Variants in APOB observed in about 807,000 individuals in gnomAD.
APOB encodes apolipoprotein B-100.
In APOB, 153 loss-of-function variants were observed where a neutral mutation model predicts 314.1. The observed-to-expected ratio is 0.49, with a 90% CI of 0.43 to 0.56. The LOEUF is 0.56. Among genes scored for constraint, APOB ranks in the 20% least tolerant of loss-of-function variants. The pLI, the probability that APOB is intolerant of heterozygous loss-of-function variation, is 0.00. For synonymous variants in APOB, 2,087 were observed against 2,036.4 expected (o/e 1.02, Z -0.67); for missense variants, 5,430 against 5,350.7 (o/e 1.01, Z -0.46).
chr2:21,013,587 G>T, intron 24 of APOB, 54 bp from the exon 25 acceptor site: 2 of 1,611,986 alleles, frequency 1.2e-6, no homozygotes, highest in Non-Finnish European at 1.7e-6. Context: ...GTCATTCAAA[G>T]TTCTCTGCCT....
Position 21,008,186 on chromosome 2 carries a change from G to A in APOB, c.8682C>T (p.Asn2894=), listed in dbSNP as rs1463473856. The A allele has an allele frequency of 1.9e-6, 3 of 1,614,076 alleles. No homozygotes were observed. Among genetic ancestry groups the A allele is most frequent in the African/African-American group, 2.7e-5 (2 of 75,008 alleles). ...GACTAGAGAAGTCCAGTTTGGGGAT[G>A]TTCAATTTGTGGAAGTATTTAGTGT... The part of the protein sequence containing the change: ...DSNTKYFHKL[N]IPKLDFSSQA... The change falls in exon 26 of 29, where the codon AAC becomes AAT. Residue 2894 remains asparagine, a synonymous_variant. Coordinates refer to ENST00000233242, the MANE Select transcript of APOB (RefSeq NM_000384.3).
chr2:21,033,515 G>A lies in APOB; in HGVS notation c.908C>T (p.Thr303Ile), dbSNP rs1864423. The change falls in exon 9 of 29, where the codon ACT (threonine) becomes ATT (isoleucine). Residue 303 changes from threonine (T) to isoleucine (I), a missense_variant. By Grantham distance (89) the Thr-to-Ile change is moderately conservative (BLOSUM62 -1). Transcript: ENST00000233242. ...KINSRFFGEG[T>I]KKMGLAFEST... ...CTCAAATGCGAGGCCCATCTTCTTA[G>A]TACCTGGAAGATGGAAAGTGTCAAA... is the stretch of plus-strand genomic sequence containing the variant. 3 of 1,613,354 alleles carry A rather than the reference G, an allele frequency of 1.9e-6. No homozygotes were observed. Among genetic ancestry groups the A allele is most frequent in the Non-Finnish European group, 1.7e-6 (2 of 1,179,300 alleles).
intron 14 of APOB, among the ~76,000 whole-genome samples, chr2:21,027,306 A>AATTT (rs763207875): frequency 9.4e-6 from 1 of 105,884 alleles, no homozygotes; most frequent in Non-Finnish European, 1.9e-5. Flanking sequence ...TTGCATTTCA[A>AATTT]TTTTTTTTTT....
intron 10 of APOB, among the ~76,000 whole-genome samples, chr2:21,030,862 T>G (rs1455738593): frequency 6.6e-6 from 1 of 152,140 alleles, no homozygotes; most frequent in Non-Finnish European, 1.5e-5. Flanking sequence ...TGCATAACAT[T>G]ACTAATCATT....
intron 20 of APOB, 134 bp from the exon 21 acceptor site, chr2:21,016,783 G>A (rs1663479519): frequency 1.4e-6 from 1 of 700,470 alleles, no homozygotes; most frequent in South Asian, 1.5e-5. Context: ...AGGAGATCAA[G>A]ACCATTCTGG....
At position 21,011,786 on chromosome 2, in the gene APOB, A is replaced by G. The variant is rs757961659; in HGVS notation, c.5082T>C (p.Asn1694=). Residue 1694 remains asparagine, a synonymous_variant, in exon 26 of 29, where the codon AAT becomes AAC. Coordinates refer to ENST00000233242, the MANE Select transcript of APOB (RefSeq NM_000384.3). ...CTTTCCCATCCAGACTGAATTTTGC[A>G]TTGTGTTCCCTGAAGCGGCCATTTG... The part of the protein sequence containing the change: ...LTTNGRFREH[N]AKFSLDGKAA... 4 of 1,613,964 alleles carry G rather than the reference A, an allele frequency of 2.5e-6. No homozygotes were observed. Among genetic ancestry groups the G allele is most frequent in the African/African-American group, 1.3e-5 (1 of 74,886 alleles).
rs759277505 is a variant in APOB at position 21,011,040 on chromosome 2, G to A, written c.5828C>T (p.Ser1943Phe). Residue 1943 changes from serine to phenylalanine, a missense_variant, in exon 26 of 29, where the codon TCT becomes TTT. By Grantham distance (155) the Ser-to-Phe change is radical (BLOSUM62 -2). Around this residue, in one of 3 missense-constraint regions of APOB, gnomAD observed 3,281 missense variants for 3,171.0 expected, o/e 1.03. Coordinates refer to ENST00000233242, the MANE Select transcript of APOB (RefSeq NM_000384.3). Reference protein sequence around the residue: ...LKAEPLAFTFSHDYKGSTSHH... With the variant: ...LKAEPLAFTFFHDYKGSTSHH... ...ACTTGTGGAGCCTTTGTAATCATGA[G>A]AGAAAGTAAATGCCAGAGGTTCTGC... 5.6e-6 allele frequency: 9 copies of A among 1,614,186 alleles called. No individual in the cohort carries two copies. In the East Asian group the frequency reaches 1.8e-4, roughly 32 times the overall value.
rs1663447804 is a variant in APOB, at chr2:21,015,693, A to G, written c.3333-148T>C. The G allele has an allele frequency of 8.0e-6, 7 of 872,908 alleles. No individual in the cohort carries two copies. In the South Asian group the frequency reaches 1.0e-4, roughly 13 times the overall value. The allele number at this position is 872,908 out of a possible 1,614,324, so 54.1% of individuals were successfully genotyped here. On this transcript the variant is annotated intron_variant, in intron 21 of 28. Transcript: ENST00000233242. ...CCACAGATCAAACTCATCAACTTCT[A>G]AAGCCAACATTCAGCACAAATTAAG...
intron 12 of APOB, 76 bp from the exon 13 acceptor site, chr2:21,028,614 G>T (rs1663802651): frequency 9.2e-6 from 9 of 978,224 alleles, no homozygotes; most frequent in Non-Finnish European, 1.5e-5. Flanking sequence ...CACTGGCATT[G>T]TCTGCTAGCT....
Position 21,034,875 on chromosome 2 carries a change from A to C in APOB, c.845T>G (p.Val282Gly), listed in dbSNP as rs1663961879. Residue 282 changes from valine to glycine, a missense_variant, in exon 8 of 29, where the codon GTG (valine) becomes GGG (glycine). By Grantham distance (109) the Val-to-Gly change is moderately radical (BLOSUM62 -3). Coordinates refer to ENST00000233242, the MANE Select transcript of APOB (RefSeq NM_000384.3). ...YKNKYGMVAQ[V>G]TQTLKLEDTP... ...GTCTTCAAGTTTCAAAGTCTGTGTC[A>C]CTTGTGCTACCATCCCATACTTATT... is the stretch of plus-strand genomic sequence containing the variant. The C allele has an allele frequency of 2.5e-6, 4 of 1,594,900 alleles. No individual in the cohort carries two copies. Among genetic ancestry groups the C allele is most frequent in the Non-Finnish European group, 3.4e-6 (4 of 1,162,514 alleles).
At chr2:21,027,628 G>A (rs754755637) in intron 14 of APOB, among the ~76,000 whole-genome samples, 200 bp downstream of exon 14, 2 of 152,080 alleles carry the variant, frequency 1.3e-5, no homozygotes, top group African/African-American at 4.8e-5. Context: ...TTCTATTAAT[G>A]TTAAGAAGTC....
Position 21,005,788 on chromosome 2 carries a change from T to C in APOB, c.11080A>G (p.Thr3694Ala), listed in dbSNP as rs1472840765. ...LWDFLKLDVT[T>A]SIGRRQHLRV... ...AGATGCTGTCTCCTACCAATGCTGGTGGTTACATCCAGCTTTAGGAAATCC... is the reference window on the plus strand; with the variant it reads ...AGATGCTGTCTCCTACCAATGCTGGCGGTTACATCCAGCTTTAGGAAATCC... Residue 3694 changes from threonine to alanine, a missense_variant, in exon 26 of 29, where the codon ACC becomes GCC. By Grantham distance (58) the Thr-to-Ala change is moderately conservative (BLOSUM62 0). Transcript: ENST00000233242. 2 of 1,613,842 alleles carry C rather than the reference T, an allele frequency of 1.2e-6. No individual in the cohort carries two copies. Among genetic ancestry groups the C allele is most frequent in the African/African-American group, 1.3e-5 (1 of 74,878 alleles).
rs1377752682 is a variant in APOB, at chr2:21,032,381, A to G, written c.1325T>C (p.Leu442Ser). 2 of 1,613,776 alleles carry G rather than the reference A, an allele frequency of 1.2e-6. No individual in the cohort carries two copies. Among genetic ancestry groups the G allele is most frequent in the African/African-American group, 2.7e-5 (2 of 74,942 alleles). ...MARDQRSRAT[L>S]YALSHAVNNY... is the part of the protein sequence containing the mutation. ...GTTGACCGCGTGGCTCAGCGCATAC[A>G]AGGTGGCTCGGCTGCGCTGATCCCT... Residue 442 changes from leucine to serine, a missense_variant, in exon 10 of 29, where the codon TTG becomes TCG. Transcript: ENST00000233242.
At chr2:21,041,111 A>T in intron 3 of APOB, 28 bp from the exon 4 acceptor site, 4 of 1,606,112 alleles carry the variant, frequency 2.5e-6, no homozygotes, top group Non-Finnish European at 3.4e-6. Context: ...CAGAGCATTG[A>T]GGTTGTCTAT....
intron 10 of APOB, 28 bp from the exon 11 acceptor site, chr2:21,030,043 C>CT: frequency 7.1e-7 from 1 of 1,416,772 alleles, no homozygotes; most frequent in African/African-American, 1.4e-5. Flanking sequence ...AGAGTCAGGA[C>CT]TTGGTAACCC....
At position 21,003,104 on chromosome 2, in the gene APOB, T is replaced by C. The variant is rs375795401; in HGVS notation, c.12318A>G (p.Arg4106=). 140 of 1,598,118 alleles carry C rather than the reference T, an allele frequency of 8.8e-5. No homozygotes were observed. In the East Asian group the frequency reaches 1.6e-3, roughly 18 times the overall value. Reference sequence around the variant, plus strand: ...CCCACTCAGCATTGTTCTGCAGATTTCTTCTCAGCTTTGAAGACACTTCTC... The same window carrying C: ...CCCACTCAGCATTGTTCTGCAGATTCCTTCTCAGCTTTGAAGACACTTCTC... ...TLREVSSKLR[R]NLQNNAEWVY... Residue 4106 remains arginine, a synonymous_variant, in exon 29 of 29, where the codon AGA becomes AGG. Transcript: ENST00000233242.
intron 18 of APOB, 50 bp downstream of exon 18, chr2:21,022,781 C>A (rs776102998): frequency 1.3e-6 from 2 of 1,581,976 alleles, no homozygotes. Flanking sequence ...CAGGTACATT[C>A]TCTGTTCTCT....
At position 21,042,495 on chromosome 2, in the gene APOB, C is replaced by T. The variant is rs1267484197; in HGVS notation, c.122-19G>A. On this transcript the variant is annotated intron_variant, in intron 2 of 28. Transcript: ENST00000233242. The stretch of plus-strand genomic sequence containing the variant: ...GCATCTTCTAACGTGGGGAGAAATA[C>T]GTCAGCCACATAGCAGAAATAGCTC... 6.3e-7 allele frequency: 1 copy of T among 1,595,098 alleles called. No homozygotes were observed. Among genetic ancestry groups the T allele is most frequent in the Admixed American group, 1.7e-5 (1 of 60,004 alleles).
rs775070656 is a variant in APOB, at chr2:21,013,404, C to A, written c.3972G>T (p.Lys1324Asn). ...GAGATGGCAGATGGAATCCCACAGACTTGAAGTGGAGGGCTGGTGTCCTAA... is the reference window on the plus strand; with the variant it reads ...GAGATGGCAGATGGAATCCCACAGAATTGAAGTGGAGGGCTGGTGTCCTAA... ...ETVRTPALHF[K>N]SVGFHLPSRE... The change falls in exon 25 of 29, where the codon AAG (lysine) becomes AAT (asparagine). Residue 1324 changes from lysine (K) to asparagine (N), a missense_variant. This residue lies in a region of APOB where 2,085 missense variants were observed against 2,079.7 expected (regional missense o/e 1.00). Transcript: ENST00000233242. The A allele has an allele frequency of 4.5e-5, 72 of 1,614,112 alleles. No homozygotes were observed. The Middle Eastern group carries it at 4.9e-4, about 11-fold the overall frequency.
Sources: allele counts gnomAD v4.1 joint callset (sites outside exome capture counted in the v4.1 genomes callset), GRCh38; gene constraint gnomAD v4.1.1; regional missense constraint gnomAD v4.1.1; transcripts MANE v1.5; gene names NCBI Gene and HGNC (gene_info 2026-07-23, HGNC 2026-07-21).